Variants in RIN2 observed in about 807,000 individuals in gnomAD.
RIN2 encodes RAB5 interacting protein 2.
Under a neutral mutation model 78.0 loss-of-function variants are expected in RIN2, and 36 were observed. The observed-to-expected ratio is 0.46, with a 90% confidence interval of 0.35 to 0.61. The LOEUF is 0.61. RIN2 is among the 20% of genes least tolerant of loss of function. The probability of loss-of-function intolerance (pLI) is 0.00; values close to 1 mark genes in which losing one functional copy is unlikely to be tolerated. For missense variants in RIN2, 1,087 were observed against 1,159.7 expected (o/e 0.94, Z 0.91); for synonymous variants, 466 against 466.8 (o/e 1.00, Z 0.02).
intron 3 of RIN2, among the ~76,000 whole-genome samples, chr20:19,931,174 A>G (rs1021892764): frequency 2.6e-5 from 4 of 152,198 alleles, no homozygotes; most frequent in African/African-American, 9.7e-5. Context: ...AGAGGTAACC[A>G]CTATCCTGGA....
chr20:19,789,169 G>A (rs2034806337), intron 1 of RIN2, among the ~76,000 whole-genome samples: 2 of 152,168 alleles, frequency 1.3e-5, no homozygotes, highest in South Asian at 2.1e-4. Flanking sequence ...CGGGTGTGGA[G>A]GCGGGAGAAG....
At chr20:19,877,241 A>G (rs16981264) in intron 2 of RIN2, among the ~76,000 whole-genome samples, 6,263 of 148,812 alleles carry the variant, frequency 0.042, 393 homozygotes, top group African/African-American at 0.14. Flanking sequence ...CTGTTTTCCT[A>G]TTATCTGCAG....
rs1432305419 is a variant in RIN2, at chr20:20,002,035, A to G, written c.*1099A>G. 6.6e-6 allele frequency: 1 copy of G among 152,498 alleles called. No individual in the cohort carries two copies. The highest frequency in any genetic ancestry group is 1.9e-4 in the East Asian group (1 of 5,200). 9.4% of individuals were successfully genotyped at this position (152,498 alleles called of 1,614,324 possible). A position where few individuals can be genotyped will look rare whatever the true frequency, so the allele number is the denominator to read the frequency against. On this transcript the variant is annotated 3_prime_UTR_variant, in exon 13 of 13. Coordinates refer to ENST00000255006, the MANE Select transcript of RIN2 (RefSeq NM_018993.4). ...TACAAATTAAAACTTAACAGCATCAAATTATTGGGACCAGAAACCAAGTAA... is the reference window on the plus strand; with the variant it reads ...TACAAATTAAAACTTAACAGCATCAGATTATTGGGACCAGAAACCAAGTAA...
In RIN2 at chr20:20,002,193, G is replaced by T. The variant is rs2043157259; in HGVS notation, c.*1257G>T. 1 of 152,228 alleles carries T rather than the reference G, an allele frequency of 6.6e-6. No homozygotes were observed. Among genetic ancestry groups the T allele is most frequent in the Non-Finnish European group, 1.5e-5 (1 of 68,034 alleles). The allele number at this position is 152,228 out of a possible 1,614,324, so 9.4% of individuals were successfully genotyped here. On this transcript the variant is annotated 3_prime_UTR_variant, in exon 13 of 13. Transcript: ENST00000255006. The stretch of plus-strand genomic sequence containing the variant: ...AACTTATGTTAAATAAAACCAGTTT[G>T]CAGGTGCACAAACTATGAGGGTCTT...
chr20:19,943,883 T>G (rs984380982), intron 4 of RIN2, among the ~76,000 whole-genome samples: 2 of 151,948 alleles, frequency 1.3e-5, no homozygotes, highest in Non-Finnish European at 2.9e-5. Context: ...CAGGCCAGGG[T>G]CCTGCCGTGT....
chr20:19,765,785 G>T (rs116254101), intron 1 of RIN2, among the ~76,000 whole-genome samples: 345 of 152,218 alleles, frequency 2.3e-3, no homozygotes, highest in African/African-American at 7.9e-3. Flanking sequence ...AGGGATCTTG[G>T]GGGTGGGATG....
chr20:19,929,900 A>C (rs2040372880), intron 3 of RIN2, among the ~76,000 whole-genome samples: 1 of 152,244 alleles, frequency 6.6e-6, no homozygotes, highest in Non-Finnish European at 1.5e-5. Context: ...TCCAACCGTC[A>C]GAGGGGAGGA....
intron 3 of RIN2, among the ~76,000 whole-genome samples, chr20:19,903,552 C>T (rs1428006926): frequency 6.6e-6 from 1 of 152,144 alleles, no homozygotes; most frequent in African/African-American, 2.4e-5. Context: ...CTGGTTCCAC[C>T]TTGACCACTG....
upstream of RIN2, chr20:19,758,018 C>A (rs1192974352): frequency 2.4e-4 from 37 of 152,342 alleles, no homozygotes; most frequent in Non-Finnish European, 2.2e-4. Context: ...GACCTGGGGT[C>A]GCGCAGGCGC....
At chr20:19,813,407 A>T (rs1007168729) in intron 2 of RIN2, among the ~76,000 whole-genome samples, 2 of 152,228 alleles carry the variant, frequency 1.3e-5, no homozygotes, top group African/African-American at 4.8e-5. Context: ...CTATTCATTC[A>T]TTCTTTCATG....
intron 2 of RIN2, among the ~76,000 whole-genome samples, chr20:19,882,442 A>C (rs1600689285): frequency 6.6e-6 from 1 of 152,236 alleles, no homozygotes; most frequent in South Asian, 2.1e-4. Flanking sequence ...CACAAAATCC[A>C]AAGCTGCCAG....
In RIN2 at chr20:19,990,163, G is replaced by A. The variant is rs564975740; in HGVS notation, c.1920G>A (p.Gly640=). ...GGCAGAGGAATCCGCAGGAGCTGGGGGTCTTCGCCCCGACCCCTGATTTTG... is the reference window on the plus strand; with the variant it reads ...GGCAGAGGAATCCGCAGGAGCTGGGAGTCTTCGCCCCGACCCCTGATTTTG... The part of the protein sequence containing the change: ...LVRQRNPQEL[G]VFAPTPDFVD... The change falls in exon 10 of 13, where the codon GGG becomes GGA. Residue 640 remains glycine (G), a synonymous_variant. Transcript: ENST00000255006. 4.4e-6 allele frequency: 7 copies of A among 1,604,306 alleles called. No homozygotes were observed. In the Admixed American group the frequency reaches 1.0e-4, roughly 24 times the overall value.
At chr20:19,994,379 T>C (rs2042891954) in intron 11 of RIN2, among the ~76,000 whole-genome samples, 1 of 152,192 alleles carries the variant, frequency 6.6e-6, no homozygotes, top group African/African-American at 2.4e-5. Context: ...GTTTGCGGGG[T>C]AGCAGCCACG....
At position 19,971,735 on chromosome 20, in the gene RIN2, A is replaced by ATTTTTTTTTTTTTTTTTTT. The variant is rs61019165; in HGVS notation, c.628+812_628+830dup. On this transcript the variant is annotated intron_variant, in intron 8 of 12. Coordinates refer to ENST00000255006, the MANE Select transcript of RIN2 (RefSeq NM_018993.4). ...TGAATTCCCTTCTGCTGAAACTGCA[A>ATTTTTTTTTTTTTTTTTTT]TTTTTTTTTTTTTTTTTTTTTTTTG... is the stretch of plus-strand genomic sequence containing the variant. 1.6e-4 allele frequency among the ~76,000 whole-genome samples: 15 copies of ATTTTTTTTTTTTTTTTTTT among 91,532 alleles called. 1 individual carries two copies. The highest frequency in any genetic ancestry group is 7.4e-4 in the African/African-American group (15 of 20,142). The allele number at this position is 91,532 out of a possible 152,430, so 60.0% of individuals were successfully genotyped here. A position where few individuals can be genotyped will look rare whatever the true frequency, so the allele number is the denominator to read the frequency against.
intron 2 of RIN2, among the ~76,000 whole-genome samples, chr20:19,838,407 G>T (rs994850965): frequency 1.3e-5 from 2 of 152,058 alleles, no homozygotes; most frequent in African/African-American, 4.8e-5. Context: ...CATATTCAAG[G>T]TTCATCCATG....
intron 1 of RIN2, among the ~76,000 whole-genome samples, chr20:19,785,293 CA>C (rs2122564712): frequency 6.6e-6 from 1 of 150,634 alleles, no homozygotes; most frequent in Non-Finnish European, 1.5e-5. Flanking sequence ...CACACACACA[CA>C]CACACACCAG....
At chr20:19,758,008 G>C (rs1044287503), upstream of RIN2, 1 of 152,364 alleles carries the variant, frequency 6.6e-6, no homozygotes, top group East Asian at 1.9e-4. Context: ...GGATGGGCCG[G>C]ACCTGGGGTC....
chr20:19,924,389 C>T (rs1228291036), intron 3 of RIN2, among the ~76,000 whole-genome samples: 8 of 44,620 alleles, frequency 1.8e-4, no homozygotes, highest in Non-Finnish European at 1.6e-4. Flanking sequence ...CCTTCGTACC[C>T]CACCTCTTCA....
intron 3 of RIN2, among the ~76,000 whole-genome samples, chr20:19,894,899 C>T (rs1486650522): frequency 1.3e-5 from 2 of 152,122 alleles, no homozygotes; most frequent in Non-Finnish European, 2.9e-5. Context: ...GGGCACAGGA[C>T]CAAGTCTGTA....
Sources: gnomAD v4.1 joint callset for allele counts (sites outside exome capture counted in the v4.1 genomes callset) on GRCh38, gnomAD v4.1.1 for gene constraint, MANE v1.5 for transcripts, NCBI Gene and HGNC (gene_info 2026-07-23, HGNC 2026-07-21) for gene names.